Variants in THRAP3 observed in about 807,000 individuals in gnomAD.
THRAP3 encodes thyroid hormone receptor associated protein 3.
THRAP3 carries 16 observed loss-of-function variants against 101.0 expected under a neutral mutation model. The observed-to-expected ratio is 0.16, with a 90% CI of 0.11 to 0.24. The LOEUF (loss-of-function observed/expected upper bound fraction) is 0.24. Among genes scored for constraint, THRAP3 ranks in the 10% least tolerant of loss-of-function variants. The probability of loss-of-function intolerance (pLI) is 1.00; values close to 1 mark genes in which losing one functional copy is unlikely to be tolerated. For missense variants in THRAP3, 989 were observed against 1,202.7 expected, an observed-to-expected ratio of 0.82 and a Z score of 2.63; for synonymous variants, 407 against 422.6, an observed-to-expected ratio of 0.96 and a Z score of 0.45.
chr1:36,247,525 C>T (rs552447303), intron 1 of THRAP3, among the ~76,000 whole-genome samples: 21 of 152,052 alleles, frequency 1.4e-4, no homozygotes, highest in African/African-American at 3.9e-4. Context: ...GGGGTTTTAC[C>T]ATGTTGGCCA....
At chr1:36,224,027 G>C (rs1232727560), upstream of THRAP3, among the ~76,000 whole-genome samples, 2 of 152,206 alleles carry the variant, frequency 1.3e-5, no homozygotes, top group East Asian at 3.8e-4. Flanking sequence ...AAGCGGAAGG[G>C]AGCGCAGCAG....
In THRAP3 at chr1:36,304,158, G is replaced by A. The variant is rs951854902; in HGVS notation, c.*141G>A. ...CCAGCCGCACAGATTGTACTACCGC[G>A]AGAGGCATCCCTGGCGCTGTCTCCC... On this transcript the variant is annotated 3_prime_UTR_variant, in exon 12 of 12. Transcript: ENST00000354618. The A allele has an allele frequency of 1.6e-6, 2 of 1,288,688 alleles. No homozygotes were observed. The highest frequency in any genetic ancestry group is 1.5e-5 in the African/African-American group (1 of 65,776). The allele number at this position is 1,288,688 out of a possible 1,614,324, so 79.8% of individuals were successfully genotyped here. A position where few individuals can be genotyped will look rare whatever the true frequency, so the allele number is the denominator to read the frequency against.
chr1:36,252,949 TATATATATATATATA>T (rs1205139650), intron 1 of THRAP3, among the ~76,000 whole-genome samples: 1 of 118,650 alleles, frequency 8.4e-6, no homozygotes, highest in African/African-American at 3.0e-5. Flanking sequence ...TATATATATA[TATATATATATATATA>T]TATATAAATG....
At chr1:36,234,673 C>T (rs1645064880) in intron 1 of THRAP3, among the ~76,000 whole-genome samples, 1 of 152,060 alleles carries the variant, frequency 6.6e-6, no homozygotes, top group Admixed American at 6.6e-5. Context: ...ATTGTAAAAG[C>T]CTGTTCTGAT....
intron 2 of THRAP3, among the ~76,000 whole-genome samples, chr1:36,278,062 C>T (rs7541505): frequency 0.79 from 87,512 of 110,378 alleles, 35,089 homozygotes; most frequent in Non-Finnish European, 0.88. Context: ...CCCAGCCCCC[C>T]TTTTTTTTTT....
At chr1:36,244,850 T>G (rs1436857287) in intron 1 of THRAP3, among the ~76,000 whole-genome samples, 4 of 152,076 alleles carry the variant, frequency 2.6e-5, no homozygotes, top group Non-Finnish European at 4.4e-5. Context: ...CCTGAGTAGC[T>G]GGGATTACAG....
At chr1:36,303,345 A>T (rs530120358) in intron 11 of THRAP3, among the ~76,000 whole-genome samples, 1 of 151,814 alleles carries the variant, frequency 6.6e-6, no homozygotes, top group African/African-American at 2.4e-5. Context: ...TCTCAAACCC[A>T]CCCTTTGAGA....
chr1:36,271,134 C>A (rs1407002179), intron 2 of THRAP3, among the ~76,000 whole-genome samples: 2 of 152,086 alleles, frequency 1.3e-5, no homozygotes, highest in African/African-American at 4.8e-5. Flanking sequence ...TGCTGTATGT[C>A]CTTATATAGA....
chr1:36,260,970 A>G (rs1194286292), intron 2 of THRAP3, among the ~76,000 whole-genome samples: 1 of 151,804 alleles, frequency 6.6e-6, no homozygotes, highest in East Asian at 1.9e-4. Context: ...TTGTACAACT[A>G]TTTGTTTTCT....
intron 11 of THRAP3, 138 bp from the exon 12 acceptor site, chr1:36,303,658 G>A: frequency 7.7e-7 from 1 of 1,298,370 alleles, no homozygotes. Flanking sequence ...GGGACAGGGA[G>A]AAGTGCAGAA....
intron 1 of THRAP3, among the ~76,000 whole-genome samples, chr1:36,256,216 A>ATTG (rs1348762135): frequency 2.8e-4 from 40 of 144,792 alleles, no homozygotes; most frequent in Admixed American, 2.7e-3. Flanking sequence ...TATTGTTATT[A>ATTG]TTGTTATTAT....
intron 10 of THRAP3, among the ~76,000 whole-genome samples, 181 bp from the exon 11 acceptor site, chr1:36,301,372 C>T (rs1210679992): frequency 2.0e-5 from 3 of 152,184 alleles, no homozygotes; most frequent in Non-Finnish European, 4.4e-5. Flanking sequence ...GGTTTGTCCT[C>T]TGTGTAGGCT....
At chr1:36,236,809 T>G (rs944407199) in intron 1 of THRAP3, among the ~76,000 whole-genome samples, 3 of 152,216 alleles carry the variant, frequency 2.0e-5, no homozygotes, top group Non-Finnish European at 4.4e-5. Flanking sequence ...ATGCTGAAAG[T>G]AAACAATTTG....
chr1:36,304,270 C>A lies in THRAP3; in HGVS notation c.*253C>A. 1 of 364,344 alleles carries A rather than the reference C, an allele frequency of 2.7e-6. No individual in the cohort carries two copies. The highest frequency in any genetic ancestry group is 4.8e-6 in the Non-Finnish European group (1 of 207,522). The allele number at this position is 364,344 out of a possible 1,614,324, so 22.6% of individuals were successfully genotyped here. ...AACGCATTGGGCTTTAGCTGTTTTT[C>A]TCATTTGTTGGTGTGTGGGGTGGGG... On this transcript the variant is annotated 3_prime_UTR_variant, in exon 12 of 12. Transcript: ENST00000354618.
chr1:36,254,391 A>G (rs1055431717), intron 1 of THRAP3, among the ~76,000 whole-genome samples: 1 of 152,232 alleles, frequency 6.6e-6, no homozygotes, highest in Non-Finnish European at 1.5e-5. Context: ...CAAATTCAAT[A>G]ACAAAATGAT....
chr1:36,210,726 T>TATATATATAATATATATATATATA, the THRAP3 span, among the ~76,000 whole-genome samples: 1 of 1,848 alleles, frequency 5.4e-4, no homozygotes, highest in Non-Finnish European at 1.5e-3. Flanking sequence ...TATATATATA[T>TATATATATAATATATATATATATA]ATATATATAT....
At position 36,242,356 on chromosome 1, in the gene THRAP3, T is replaced by G. The variant is rs1645170986; in HGVS notation, c.-134-17026T>G. On this transcript the variant is annotated intron_variant, in intron 1 of 11. Coordinates refer to ENST00000354618, the MANE Select transcript of THRAP3 (RefSeq NM_005119.4). ...TTTGTAGAGACCAGGTCTTGCCATG[T>G]TGCCCAGGTTGATCTTGAACTCCTG... Among the ~76,000 whole-genome samples the G allele has an allele frequency of 2.0e-5, 3 of 152,106 alleles. No individual in the cohort carries two copies. The South Asian group carries it at 6.2e-4, about 32-fold the overall frequency.
chr1:36,302,677 T>A (rs1444493749), intron 11 of THRAP3, among the ~76,000 whole-genome samples: 1 of 152,104 alleles, frequency 6.6e-6, no homozygotes, highest in Non-Finnish European at 1.5e-5. Context: ...AGACCCTAGC[T>A]TTTGTGGGGG....
intron 1 of THRAP3, among the ~76,000 whole-genome samples, chr1:36,241,380 T>C (rs1208252784): frequency 2.2e-5 from 2 of 90,090 alleles, no homozygotes; most frequent in African/African-American, 4.5e-5. Context: ...GAAATGATAA[T>C]GGGTGTATAT....
Sources: gnomAD v4.1 joint callset for allele counts (sites outside exome capture counted in the v4.1 genomes callset) on GRCh38, gnomAD v4.1.1 for gene constraint, MANE v1.5 for transcripts, NCBI Gene and HGNC (gene_info 2026-07-23, HGNC 2026-07-21) for gene names.